Variants in ACTA2 observed in about 807,000 individuals in gnomAD.
ACTA2 encodes actin alpha 2, smooth muscle, also known as actin, aortic smooth muscle.
Under a neutral mutation model 39.5 loss-of-function variants are expected in ACTA2, and 12 were observed. The observed-to-expected ratio is 0.30, with a 90% CI of 0.19 to 0.49. The LOEUF is 0.49. Ranked by LOEUF, ACTA2 falls within the 20% of genes least tolerant of loss-of-function variation. The pLI, the probability that ACTA2 is intolerant of heterozygous loss-of-function variation, is 0.99. For synonymous variants in ACTA2, 158 were observed against 180.6 expected (o/e 0.88, Z 1.00); for missense variants, 236 against 498.8 (o/e 0.47, Z 5.02).
rs1302272656 is a variant in ACTA2 at position 88,990,515 on chromosome 10, C to A, written c.-24+424G>T. 1.7e-6 allele frequency: 1 copy of A among 596,576 alleles called. No individual in the cohort carries two copies. The highest frequency in any genetic ancestry group is 1.8e-5 in the African/African-American group (1 of 55,496). The allele number at this position is 596,576 out of a possible 1,614,324, so 37.0% of individuals were successfully genotyped here. On this transcript the variant is annotated intron_variant, in intron 1 of 4. Coordinates refer to the ACTA2 transcript ENST00000415557. This position sits in a 1 kb window ranked among gnomAD's most constrained non-coding sequence, Gnocchi z 4.9. ...AACGAACCCTGACTCCTTCCTCACCCTGACTTCTCCCCCTCCCTACCCGCG... is the reference window on the plus strand; with the variant it reads ...AACGAACCCTGACTCCTTCCTCACCATGACTTCTCCCCCTCCCTACCCGCG...
rs538135826 is a variant in ACTA2, at chr10:88,939,356, C to T, written c.808+151G>A. On this transcript the variant is annotated intron_variant, in intron 7 of 8. Coordinates refer to ENST00000224784, the MANE Select transcript of ACTA2 (RefSeq NM_001613.4). ...TTTTCCTGGCCTCATTATGTCTTCT[C>T]GCCTTGAAAATGTGGCACTTTCCCT... The T allele has an allele frequency of 1.2e-5, 12 of 1,001,474 alleles. No homozygotes were observed. In the African/African-American group the frequency reaches 1.3e-4, roughly 11 times the overall value. 62.0% of individuals were successfully genotyped at this position (1,001,474 alleles called of 1,614,324 possible). A position where few individuals can be genotyped will look rare whatever the true frequency, so the allele number is the denominator to read the frequency against.
intron 5 of ACTA2, 123 bp downstream of exon 5, chr10:88,941,662 G>T: frequency 1.1e-6 from 1 of 940,218 alleles, no homozygotes; most frequent in Non-Finnish European, 1.7e-6. Context: ...ATCTTTTAGG[G>T]CTGGGTTCAG....
At chr10:88,952,959 T>C (rs749501073), upstream of ACTA2, among the ~76,000 whole-genome samples, 1 of 152,250 alleles carries the variant, frequency 6.6e-6, no homozygotes, top group Non-Finnish European at 1.5e-5. Flanking sequence ...TGCATTCCAC[T>C]GGTCTGCTCA....
intron 4 of ACTA2, 93 bp downstream of exon 4, chr10:88,943,704 G>A (rs575419737): frequency 5.7e-4 from 607 of 1,055,660 alleles, no homozygotes; most frequent in Non-Finnish European, 8.2e-4. Flanking sequence ...TGGACTCCTA[G>A]CTCCGGCCTT....
chr10:88,939,789 C>A (rs558395197), intron 6 of ACTA2, 91 bp from the exon 7 acceptor site: 2 of 1,326,506 alleles, frequency 1.5e-6, no homozygotes, highest in East Asian at 4.7e-5. Context: ...TCCCTCAAGA[C>A]ATGTGCCATC....
intron 1 of ACTA2, among the ~76,000 whole-genome samples, chr10:88,962,548 A>C (rs1173899005): frequency 6.6e-6 from 1 of 152,138 alleles, no homozygotes; most frequent in Non-Finnish European, 1.5e-5. Context: ...CTTAGGAAGG[A>C]AGTAGTAACA....
At chr10:88,941,973 C>T (rs1845863519) in intron 4 of ACTA2, 104 bp from the exon 5 acceptor site, 3 of 1,099,112 alleles carry the variant, frequency 2.7e-6, no homozygotes, top group South Asian at 2.7e-5. Context: ...CTGACCTGTT[C>T]TGGGCAGAGG....
At chr10:88,958,117 G>C (rs1846167634) in intron 1 of ACTA2, among the ~76,000 whole-genome samples, 1 of 152,116 alleles carries the variant, frequency 6.6e-6, no homozygotes, top group South Asian at 2.1e-4. Context: ...ATACTACTTT[G>C]TGTTTGCCTC....
At position 88,959,379 on chromosome 10, in the gene ACTA2, C is replaced by G. The variant is rs76835612; in HGVS notation, c.-23-10426G>C. ...CTAATGTGTATCCAAGAATAAGAAC[C>G]TTCAGAATAGACCAGGGATCCCAAA... On this transcript the variant is annotated intron_variant, in intron 1 of 4. Transcript: ENST00000415557. 5.9e-3 allele frequency among the ~76,000 whole-genome samples: 902 copies of G among 152,208 alleles called. 6 individuals carry two copies. The highest frequency in any genetic ancestry group is 0.021 in the African/African-American group (862 of 41,516).
chr10:88,945,114 C>T (rs909065183), intron 3 of ACTA2, among the ~76,000 whole-genome samples: 5 of 152,206 alleles, frequency 3.3e-5, no homozygotes, highest in African/African-American at 4.8e-5. Context: ...TCTCTCTCTT[C>T]GTCCCCACCA....
At chr10:88,965,096 T>C (rs1320090338) in intron 1 of ACTA2, among the ~76,000 whole-genome samples, 1 of 152,214 alleles carries the variant, frequency 6.6e-6, no homozygotes, top group East Asian at 1.9e-4. Context: ...AAAATTCATC[T>C]ACAGCAAACC....
At chr10:88,965,774 C>T (rs1165356966) in intron 1 of ACTA2, among the ~76,000 whole-genome samples, 2 of 152,160 alleles carry the variant, frequency 1.3e-5, no homozygotes, top group African/African-American at 2.4e-5. Flanking sequence ...ACAGCAGACT[C>T]CATGGAAGAG....
At chr10:88,984,215 T>C (rs1024939482) in intron 1 of ACTA2, among the ~76,000 whole-genome samples, 9 of 152,364 alleles carry the variant, frequency 5.9e-5, no homozygotes, top group African/African-American at 1.9e-4. Flanking sequence ...TGTTCTGATA[T>C]GTAATAAATT....
chr10:88,973,260 G>A, intron 1 of ACTA2: 1 of 1,612,554 alleles, frequency 6.2e-7, no homozygotes, highest in Admixed American at 1.7e-5. Flanking sequence ...TGGACCAAAT[G>A]GATTCCCACT....
chr10:88,959,041 C>T (rs1479382376), intron 1 of ACTA2, among the ~76,000 whole-genome samples: 1 of 152,164 alleles, frequency 6.6e-6, no homozygotes, highest in Non-Finnish European at 1.5e-5. Flanking sequence ...TGGTATTGAC[C>T]AGCGTTGTCC....
intron 7 of ACTA2, 163 bp from the exon 8 acceptor site, chr10:88,938,405 G>T (rs1041097598): frequency 9.3e-6 from 7 of 752,286 alleles, no homozygotes; most frequent in Non-Finnish European, 1.4e-5. Context: ...GTCTTGTTAT[G>T]CTCTATGTCT....
intron 1 of ACTA2, among the ~76,000 whole-genome samples, chr10:88,959,769 G>T (rs1468131974): frequency 6.6e-6 from 1 of 152,098 alleles, no homozygotes; most frequent in Non-Finnish European, 1.5e-5. Context: ...CTGCATTTAA[G>T]TCAAGTCTCT....
chr10:88,973,087 A>G, intron 1 of ACTA2: 1 of 1,375,266 alleles, frequency 7.3e-7, no homozygotes, highest in Non-Finnish European at 9.7e-7. Context: ...TTCAAAAAAT[A>G]ATTTTAACTT....
chr10:88,935,462 G>A, intron 8 of ACTA2, 96 bp from the exon 9 acceptor site: 2 of 1,424,464 alleles, frequency 1.4e-6, no homozygotes, highest in East Asian at 2.3e-5. Context: ...CCATGGCCTA[G>A]TTTCTTGTTC....
Sources: gnomAD v4.1 joint callset for allele counts (sites outside exome capture counted in the v4.1 genomes callset) on GRCh38, gnomAD v4.1.1 for gene constraint, Gnocchi (gnomAD v3.1) non-coding constraint, MANE v1.5 for transcripts, NCBI Gene and HGNC (gene_info 2026-07-23, HGNC 2026-07-21) for gene names.